Variants in POFUT3 observed in about 807,000 individuals in gnomAD.
POFUT3 encodes the protein protein O-fucosyltransferase 3, also known as GDP-fucose protein O-fucosyltransferase 3.
At chr8:33,461,315 TA>T in the POFUT3 span, 6 of 1,529,020 alleles carry the variant, frequency 3.9e-6, no homozygotes, top group South Asian at 5.0e-5. Flanking sequence ...AAATAGGGGG[TA>T]GGGGGACATG....
At chr8:33,311,227 A>G in the POFUT3 span, among the ~76,000 whole-genome samples, 1 of 152,338 alleles carries the variant, frequency 6.6e-6, no homozygotes, top group African/African-American at 2.4e-5. Context: ...CATTTCCTGG[A>G]CAAATTGTAA....
chr8:33,359,403 A>G, the POFUT3 span, among the ~76,000 whole-genome samples: 1 of 152,216 alleles, frequency 6.6e-6, no homozygotes, highest in Non-Finnish European at 1.5e-5. Context: ...TAACTTTTCC[A>G]TAACTAAGAT....
the POFUT3 span, among the ~76,000 whole-genome samples, chr8:33,309,481 T>C: frequency 6.6e-6 from 1 of 151,790 alleles, no homozygotes; most frequent in East Asian, 2.0e-4. Flanking sequence ...GCCATTAGAA[T>C]TTCCCTGTGG....
At chr8:33,387,674 T>G in the POFUT3 span, among the ~76,000 whole-genome samples, 4 of 152,046 alleles carry the variant, frequency 2.6e-5, no homozygotes, top group African/African-American at 4.8e-5. Context: ...TGTGGTGACT[T>G]ATGCCTGTAG....
the POFUT3 span, among the ~76,000 whole-genome samples, chr8:33,380,095 A>G: frequency 1.3e-5 from 1 of 76,120 alleles, no homozygotes; most frequent in East Asian, 4.0e-4. Flanking sequence ...TACTATATAT[A>G]TACACTATAT....
At chr8:33,465,467 TTTG>T in the POFUT3 span, among the ~76,000 whole-genome samples, 8 of 151,780 alleles carry the variant, frequency 5.3e-5, no homozygotes, top group African/African-American at 1.9e-4. Context: ...TGTTGTTGCT[TTTG>T]TTGTTGTTTT....
the POFUT3 span, among the ~76,000 whole-genome samples, chr8:33,350,830 G>T: frequency 6.6e-6 from 1 of 152,170 alleles, no homozygotes; most frequent in Non-Finnish European, 1.5e-5. Flanking sequence ...ACTGCAAAGA[G>T]AAACTAAGGG....
the POFUT3 span, among the ~76,000 whole-genome samples, chr8:33,335,151 A>ATG: frequency 0.072 from 10,503 of 145,800 alleles, 383 homozygotes; most frequent in East Asian, 0.15. Context: ...AAAGAAATAT[A>ATG]TGTGTGTGTG....
At chr8:33,340,824 A>G in the POFUT3 span, among the ~76,000 whole-genome samples, 3 of 152,222 alleles carry the variant, frequency 2.0e-5, no homozygotes, top group Non-Finnish European at 4.4e-5. Flanking sequence ...GGAGAAATAG[A>G]CAAATATACA....
chr8:33,325,765 G>GA, the POFUT3 span, among the ~76,000 whole-genome samples: 1 of 152,132 alleles, frequency 6.6e-6, no homozygotes, highest in Non-Finnish European at 1.5e-5. Flanking sequence ...TCCTTACATG[G>GA]TAGGGGCTCT....
the POFUT3 span, among the ~76,000 whole-genome samples, chr8:33,310,185 C>T: frequency 2.0e-5 from 3 of 152,094 alleles, no homozygotes; most frequent in African/African-American, 7.2e-5. Flanking sequence ...CTATCTTTTA[C>T]TCCCCAGAAT....
chr8:33,380,174 T>C, the POFUT3 span, among the ~76,000 whole-genome samples: 1,007 of 52,456 alleles, frequency 0.019, 74 homozygotes, highest in African/African-American at 0.1. Context: ...TATATATATA[T>C]ACTATATATA....
chr8:33,406,719 C>T, the POFUT3 span, among the ~76,000 whole-genome samples: 1 of 152,028 alleles, frequency 6.6e-6, no homozygotes, highest in Non-Finnish European at 1.5e-5. Context: ...GTATGCACCA[C>T]CACATCCAGC....
chr8:33,336,764 G>A, the POFUT3 span, among the ~76,000 whole-genome samples: 67 of 152,296 alleles, frequency 4.4e-4, no homozygotes, highest in African/African-American at 1.5e-3. Flanking sequence ...TCCTGATAGT[G>A]AGAAAGGAAC....
At chr8:33,366,807 T>A in the POFUT3 span, among the ~76,000 whole-genome samples, 1 of 152,202 alleles carries the variant, frequency 6.6e-6, no homozygotes, top group Non-Finnish European at 1.5e-5. Context: ...TTTGTCAGAT[T>A]TTTTTAAGTA....
At chr8:33,389,382 C>T in the POFUT3 span, 39 of 1,614,014 alleles carry the variant, frequency 2.4e-5, no homozygotes, top group Middle Eastern at 1.6e-4. Context: ...TAAAAGCCAT[C>T]GGCATCCATA....
chr8:33,389,106 C>T, the POFUT3 span: 1 of 1,614,172 alleles, frequency 6.2e-7, no homozygotes, highest in East Asian at 2.2e-5. Flanking sequence ...GAGATCTCAC[C>T]CTTCAGCTTC....
the POFUT3 span, among the ~76,000 whole-genome samples, chr8:33,408,109 AG>A: frequency 6.6e-6 from 1 of 151,822 alleles, no homozygotes; most frequent in African/African-American, 2.4e-5. Context: ...GGATCACTTG[AG>A]GTCAGGAGTT....
the POFUT3 span, among the ~76,000 whole-genome samples, chr8:33,444,142 A>G: frequency 2.0e-5 from 3 of 152,022 alleles, no homozygotes; most frequent in Admixed American, 6.6e-5. Flanking sequence ...GGTTATGAAG[A>G]AAGAAAATAC....
Sources: gnomAD v4.1 joint callset for allele counts (sites outside exome capture counted in the v4.1 genomes callset) on GRCh38, gnomAD v4.1.1 for gene constraint, MANE v1.5 for transcripts, NCBI Gene and HGNC (gene_info 2026-07-23, HGNC 2026-07-21) for gene names.